Variants in DCC observed in about 807,000 individuals in gnomAD.
DCC encodes the protein DCC netrin 1 receptor, also known as netrin receptor DCC.
DCC carries 58 observed loss-of-function variants against 172.5 expected under a neutral mutation model. The ratio of observed to expected loss-of-function variants is 0.34; its 90% CI spans 0.27 to 0.42. The LOEUF (loss-of-function observed/expected upper bound fraction) is 0.42. Ranked by LOEUF, DCC falls within the 10% of genes least tolerant of loss-of-function variation. The probability of loss-of-function intolerance (pLI) is 1.00; values close to 1 mark genes in which losing one functional copy is unlikely to be tolerated. For missense variants in DCC, 1,740 were observed against 1,791.0 expected, an observed-to-expected ratio of 0.97 and a Z score of 0.51; for synonymous variants, 709 against 644.5, an observed-to-expected ratio of 1.10 and a Z score of -1.52.
At chr18:52,631,831 C>T (rs1243167411) in intron 1 of DCC, among the ~76,000 whole-genome samples, 2 of 152,148 alleles carry the variant, frequency 1.3e-5, no homozygotes, top group East Asian at 1.9e-4. Flanking sequence ...TCAAGGAGGT[C>T]GAGTTCATTT....
rs528608820 is a variant in DCC at position 52,644,955 on chromosome 18, G to A, written c.92-107099G>A. On this transcript the variant is annotated intron_variant, in intron 1 of 28. Coordinates refer to ENST00000442544, the MANE Select transcript of DCC (RefSeq NM_005215.4). ...TTGACCCCATATATAGCAGATTTGA[G>A]TAGGAGGCAGCTTTTTCTTTGAATA... Among the ~76,000 whole-genome samples the A allele has an allele frequency of 7.8e-4, 119 of 152,258 alleles. 1 individual carries two copies. Among genetic ancestry groups the A allele is most frequent in the African/African-American group, 2.8e-3 (115 of 41,552 alleles).
intron 7 of DCC, among the ~76,000 whole-genome samples, chr18:53,125,674 C>T (rs549421820): frequency 6.6e-6 from 1 of 152,160 alleles, no homozygotes; most frequent in East Asian, 1.9e-4. Flanking sequence ...GCTTTCATTG[C>T]TAAGTCTGGT....
At chr18:53,402,382 C>A (rs1377379859) in intron 18 of DCC, among the ~76,000 whole-genome samples, 1 of 123,392 alleles carries the variant, frequency 8.1e-6, no homozygotes, top group Admixed American at 8.6e-5. Flanking sequence ...AGAGCAAGAC[C>A]CTGTCTCAAA....
intron 7 of DCC, among the ~76,000 whole-genome samples, chr18:53,122,037 T>C (rs957623996): frequency 6.6e-6 from 1 of 152,052 alleles, no homozygotes; most frequent in Non-Finnish European, 1.5e-5. Context: ...CGTTGTATTT[T>C]GGAAGTTATA....
chr18:53,086,007 C>CTTATTATTATTATTATTATTATTA lies in DCC; in HGVS notation c.1261+19843_1261+19844insATTATTATTATTATTATTATTATT, dbSNP rs1599113255. Among the ~76,000 whole-genome samples, 3 of 22,434 alleles carry CTTATTATTATTATTATTATTATTA rather than the reference C, an allele frequency of 1.3e-4. 1 individual carries two copies. The highest frequency in any genetic ancestry group is 8.3e-4 in the East Asian group (1 of 1,208). 14.7% of individuals were successfully genotyped at this position (22,434 alleles called of 152,430 possible). On this transcript the variant is annotated intron_variant, in intron 7 of 28. Coordinates refer to ENST00000442544, the MANE Select transcript of DCC (RefSeq NM_005215.4). Reference sequence around the variant, plus strand: ...TCTTCTTCTCCTTCTCCTTCTTCTCCTTCTCCTTCTCCCTCTCCCTCTCCC... The same window carrying CTTATTATTATTATTATTATTATTA: ...TCTTCTTCTCCTTCTCCTTCTTCTCCTTATTATTATTATTATTATTATTATTCTCCTTCTCCCTCTCCCTCTCCC...
intron 1 of DCC, among the ~76,000 whole-genome samples, chr18:52,733,188 C>A (rs1467108124): frequency 6.6e-6 from 1 of 152,108 alleles, no homozygotes; most frequent in African/African-American, 2.4e-5. Flanking sequence ...GGGTTCTCTC[C>A]TGTGATCCTA....
At chr18:53,335,587 A>C (rs976405787) in intron 14 of DCC, among the ~76,000 whole-genome samples, 2 of 152,184 alleles carry the variant, frequency 1.3e-5, no homozygotes, top group Non-Finnish European at 2.9e-5. Context: ...CATACATGTT[A>C]CAGAAAATAA....
chr18:53,227,030 A>G (rs1026169897), intron 12 of DCC, among the ~76,000 whole-genome samples: 1 of 145,922 alleles, frequency 6.9e-6, no homozygotes, highest in African/African-American at 2.6e-5. Flanking sequence ...ACTCAGTGCA[A>G]CCTCTGCCTC....
chr18:52,566,025 G>A (rs1435782439), intron 1 of DCC, among the ~76,000 whole-genome samples: 1 of 152,080 alleles, frequency 6.6e-6, no homozygotes, highest in East Asian at 1.9e-4. Flanking sequence ...TAAGGTATAA[G>A]GGAAGAGTCC....
At chr18:53,417,060 C>T (rs1910354287) in intron 21 of DCC, among the ~76,000 whole-genome samples, 1 of 152,106 alleles carries the variant, frequency 6.6e-6, no homozygotes, top group Admixed American at 6.6e-5. Flanking sequence ...TGTTTCCTTC[C>T]TGCTTTGGAC....
intron 16 of DCC, 138 bp from the exon 17 acceptor site, chr18:53,391,517 C>A: frequency 1.5e-6 from 1 of 656,956 alleles, no homozygotes; most frequent in Non-Finnish European, 2.7e-6. Flanking sequence ...ACATTTTTTT[C>A]TGTTCTTCTC....
At chr18:53,194,189 T>C (rs565681247) in intron 9 of DCC, among the ~76,000 whole-genome samples, 20 of 152,274 alleles carry the variant, frequency 1.3e-4, no homozygotes, top group African/African-American at 4.1e-4. Context: ...TCTTGAGATA[T>C]ATACAGGCTC....
chr18:52,604,955 G>A (rs1480482699), intron 1 of DCC, among the ~76,000 whole-genome samples: 1 of 152,004 alleles, frequency 6.6e-6, no homozygotes, highest in Non-Finnish European at 1.5e-5. Context: ...ATATTTATTG[G>A]CATATATTTA....
intron 5 of DCC, among the ~76,000 whole-genome samples, chr18:53,048,932 T>G (rs1359348392): frequency 6.6e-6 from 1 of 151,936 alleles, no homozygotes; most frequent in Non-Finnish European, 1.5e-5. Context: ...CTCTAATGAT[T>G]AGTGATATTG....
chr18:53,130,149 A>T (rs1406823473), intron 7 of DCC, among the ~76,000 whole-genome samples: 1 of 152,128 alleles, frequency 6.6e-6, no homozygotes, highest in Non-Finnish European at 1.5e-5. Flanking sequence ...CAGACTACCC[A>T]TTCATATTTA....
chr18:52,556,798 T>C (rs2032927122), intron 1 of DCC, among the ~76,000 whole-genome samples: 1 of 152,022 alleles, frequency 6.6e-6, no homozygotes, highest in South Asian at 2.1e-4. Context: ...GGTGCCGCCG[T>C]CTCACCTTTG....
intron 7 of DCC, among the ~76,000 whole-genome samples, chr18:53,153,370 T>C (rs1238445839): frequency 6.6e-6 from 1 of 152,180 alleles, no homozygotes; most frequent in Non-Finnish European, 1.5e-5. Context: ...ATAATAAATT[T>C]ATAGGAATGA....
At chr18:53,440,045 G>T (rs1218403502) in intron 22 of DCC, among the ~76,000 whole-genome samples, 1 of 151,714 alleles carries the variant, frequency 6.6e-6, no homozygotes, top group Non-Finnish European at 1.5e-5. Context: ...GATTACAGGC[G>T]TGAGCCACCG....
At chr18:52,454,156 G>A (rs1295303714) in intron 1 of DCC, among the ~76,000 whole-genome samples, 1 of 151,358 alleles carries the variant, frequency 6.6e-6, no homozygotes, top group African/African-American at 2.5e-5. Flanking sequence ...ATCTACACCA[G>A]GGAAGACATT....
Sources: allele counts gnomAD v4.1 joint callset (sites outside exome capture counted in the v4.1 genomes callset), GRCh38; gene constraint gnomAD v4.1.1; transcripts MANE v1.5; gene names NCBI Gene and HGNC (gene_info 2026-07-23, HGNC 2026-07-21).